Variants in YIPF7 observed in about 807,000 individuals in gnomAD.
The protein encoded by YIPF7 is protein YIPF7.
A neutral mutation model predicts 27.2 loss-of-function variants in YIPF7; 35 were observed. The observed-to-expected ratio is 1.29, with a 90% CI of 0.98 to 1.70. The LOEUF (loss-of-function observed/expected upper bound fraction) is 1.70, where lower values mean the gene tolerates loss of function less well. YIPF7 is among the 40% of genes most tolerant of loss of function. The pLI, the probability that YIPF7 is intolerant of heterozygous loss-of-function variation, is 0.00. For synonymous variants in YIPF7, 137 were observed against 110.4 expected, an observed-to-expected ratio of 1.24 and a Z score of -1.51; for missense variants, 358 against 303.7, an observed-to-expected ratio of 1.18 and a Z score of -1.33.
At chr4:44,634,128 A>G (rs1434951598) in intron 3 of YIPF7, among the ~76,000 whole-genome samples, 1 of 152,224 alleles carries the variant, frequency 6.6e-6, no homozygotes, top group African/African-American at 2.4e-5. Context: ...ATAAGGAATA[A>G]CCTTTAAGGC....
At chr4:44,625,137 TA>T (rs1006056354) in intron 4 of YIPF7, among the ~76,000 whole-genome samples, 25 of 152,266 alleles carry the variant, frequency 1.6e-4, no homozygotes, top group South Asian at 4.1e-4. Flanking sequence ...AACAGAGGAA[TA>T]AAAAATCCAA....
At chr4:44,655,837 A>G (rs1295737945), upstream of YIPF7, among the ~76,000 whole-genome samples, 1 of 148,740 alleles carries the variant, frequency 6.7e-6, no homozygotes, top group African/African-American at 2.4e-5. Flanking sequence ...CTGAAACTAC[A>G]GCCCTGAATA....
intron 2 of YIPF7, among the ~76,000 whole-genome samples, chr4:44,647,238 T>C (rs1205805158): frequency 1.3e-5 from 2 of 152,138 alleles, no homozygotes; most frequent in African/African-American, 4.8e-5. Flanking sequence ...TCATTTTGAT[T>C]TCTAGGAAAT....
chr4:44,627,062 A>G (rs932772464), intron 4 of YIPF7, among the ~76,000 whole-genome samples: 3 of 151,848 alleles, frequency 2.0e-5, no homozygotes, highest in African/African-American at 4.8e-5. Flanking sequence ...GATTACAGGC[A>G]TGAGCCACCG....
intron 3 of YIPF7, among the ~76,000 whole-genome samples, chr4:44,633,353 GT>G (rs1712988961): frequency 6.6e-6 from 1 of 152,124 alleles, no homozygotes; most frequent in Non-Finnish European, 1.5e-5. Context: ...ATAGAAAGTG[GT>G]AAATTAATGC....
At chr4:44,635,461 A>T (rs144796481) in intron 3 of YIPF7, among the ~76,000 whole-genome samples, 2 of 152,274 alleles carry the variant, frequency 1.3e-5, no homozygotes, top group East Asian at 3.9e-4. Context: ...AAGAAAAAAA[A>T]CTGGCTTGTC....
At chr4:44,634,788 A>C (rs958909773) in intron 3 of YIPF7, among the ~76,000 whole-genome samples, 4 of 152,182 alleles carry the variant, frequency 2.6e-5, no homozygotes, top group African/African-American at 9.6e-5. Flanking sequence ...TTATGTTTCT[A>C]TGTTTTCCAA....
At chr4:44,631,207 G>A (rs531394369) in intron 3 of YIPF7, among the ~76,000 whole-genome samples, 19 of 152,272 alleles carry the variant, frequency 1.2e-4, no homozygotes, top group African/African-American at 4.6e-4. Flanking sequence ...TTTAACCATA[G>A]ATTTGTGGTC....
intron 2 of YIPF7, among the ~76,000 whole-genome samples, chr4:44,645,350 C>T (rs1259700122): frequency 6.6e-6 from 1 of 152,172 alleles, no homozygotes; most frequent in Non-Finnish European, 1.5e-5. Flanking sequence ...TTAGAGACAT[C>T]TTTCAAGCCT....
upstream of YIPF7, among the ~76,000 whole-genome samples, chr4:44,654,363 T>A (rs1429042692): frequency 1.3e-5 from 2 of 152,034 alleles, no homozygotes; most frequent in African/African-American, 2.4e-5. Flanking sequence ...ATTAGGTGAA[T>A]AAAGTTTCTC....
chr4:44,651,437 A>C (rs1713735587), intron 1 of YIPF7, 117 bp downstream of exon 1: 2 of 546,124 alleles, frequency 3.7e-6, no homozygotes, highest in Admixed American at 8.2e-5. Flanking sequence ...AGAATACACT[A>C]AATTTTCATA....
chr4:44,627,634 A>G (rs1272983410), intron 4 of YIPF7, among the ~76,000 whole-genome samples: 3 of 152,200 alleles, frequency 2.0e-5, no homozygotes, highest in Non-Finnish European at 4.4e-5. Flanking sequence ...GGAAGTTATC[A>G]CATCTAATGG....
chr4:44,635,008 A>G (rs1343056030), intron 3 of YIPF7, among the ~76,000 whole-genome samples: 1 of 152,186 alleles, frequency 6.6e-6, no homozygotes, highest in African/African-American at 2.4e-5. Flanking sequence ...TAAATCTTTC[A>G]TGTTTTTATA....
At chr4:44,649,779 A>G (rs570614648) in intron 2 of YIPF7, among the ~76,000 whole-genome samples, 1 of 152,172 alleles carries the variant, frequency 6.6e-6, no homozygotes, top group African/African-American at 2.4e-5. Flanking sequence ...AGCAATTGAC[A>G]CTTTGTTGCC....
intron 3 of YIPF7, among the ~76,000 whole-genome samples, chr4:44,631,198 T>C (rs1038357459): frequency 4.6e-5 from 7 of 152,224 alleles, no homozygotes; most frequent in African/African-American, 1.7e-4. Context: ...AAGCACATGT[T>C]TAACCATAGA....
chr4:44,641,738 G>T (rs1026434865), intron 2 of YIPF7, among the ~76,000 whole-genome samples: 1 of 152,126 alleles, frequency 6.6e-6, no homozygotes, highest in South Asian at 2.1e-4. Context: ...AGATATAGAG[G>T]GGGGAGATAT....
chr4:44,640,546 G>C (rs1213333207), intron 2 of YIPF7, among the ~76,000 whole-genome samples: 2 of 152,146 alleles, frequency 1.3e-5, no homozygotes, highest in African/African-American at 4.8e-5. Context: ...CCATGGGAAG[G>C]GTGGGACCAG....
At chr4:44,641,948 C>T (rs576749275) in intron 2 of YIPF7, among the ~76,000 whole-genome samples, 10 of 152,116 alleles carry the variant, frequency 6.6e-5, no homozygotes, top group South Asian at 2.1e-4. Context: ...AATAGGAATC[C>T]GAATGGCTTT....
intron 2 of YIPF7, among the ~76,000 whole-genome samples, chr4:44,646,152 T>TAAC (rs1713517897): frequency 2.6e-5 from 4 of 152,200 alleles, no homozygotes; most frequent in Non-Finnish European, 5.9e-5. Context: ...AACATAGAAT[T>TAAC]AACTAGTTAA....
Sources: gnomAD v4.1 joint callset for allele counts (sites outside exome capture counted in the v4.1 genomes callset) on GRCh38, gnomAD v4.1.1 for gene constraint, MANE v1.5 for transcripts, NCBI Gene and HGNC (gene_info 2026-07-23, HGNC 2026-07-21) for gene names.